Variants in PLA2R1 observed in about 807,000 individuals in gnomAD.
PLA2R1 encodes the protein phospholipase A2 receptor 1, also known as secretory phospholipase A2 receptor.
Under a neutral mutation model 195.9 loss-of-function variants are expected in PLA2R1, and 158 were observed. The ratio of observed to expected loss-of-function variants is 0.81; its 90% CI spans 0.71 to 0.92. The LOEUF is 0.92. Ranked by LOEUF, PLA2R1 falls within the 40% of genes least tolerant of loss-of-function variation. The pLI, the probability that PLA2R1 is intolerant of heterozygous loss-of-function variation, is 0.00. For synonymous variants in PLA2R1, 586 were observed against 598.2 expected, an observed-to-expected ratio of 0.98 and a Z score of 0.30; for missense variants, 1,626 against 1,764.6, an observed-to-expected ratio of 0.92 and a Z score of 1.41.
chr2:159,958,933 A>G (rs1171186380), intron 20 of PLA2R1, among the ~76,000 whole-genome samples: 2 of 152,200 alleles, frequency 1.3e-5, no homozygotes, highest in African/African-American at 2.4e-5. Flanking sequence ...GTCACCCTTT[A>G]GTTTAAACCC....
chr2:159,976,011 A>C (rs1689525474), intron 17 of PLA2R1, 57 bp downstream of exon 17: 454 of 1,011,674 alleles, frequency 4.5e-4, no homozygotes, highest in East Asian at 7.5e-4. Flanking sequence ...CCTCCCTCCC[A>C]AGGGCAAAAG....
At chr2:160,025,587 G>GAAA (rs1693455459) in intron 6 of PLA2R1, among the ~76,000 whole-genome samples, 2 of 8,900 alleles carry the variant, frequency 2.2e-4, no homozygotes, top group Admixed American at 1.3e-3. Flanking sequence ...TAACCATAAA[G>GAAA]CAAAAAAAAA....
intron 13 of PLA2R1, among the ~76,000 whole-genome samples, chr2:159,981,281 A>G (rs1689934927): frequency 6.6e-6 from 1 of 151,876 alleles, no homozygotes; most frequent in African/African-American, 2.4e-5. Context: ...GCAGTGCCAT[A>G]GGAAGGAAAA....
At chr2:160,032,905 T>G in intron 4 of PLA2R1, 54 bp downstream of exon 4, 1 of 1,236,034 alleles carries the variant, frequency 8.1e-7, no homozygotes, top group South Asian at 1.3e-5. Context: ...GTGAAAACAG[T>G]TAACAACCAT....
chr2:160,052,706 G>T (rs1002396496), intron 1 of PLA2R1, among the ~76,000 whole-genome samples: 6 of 152,118 alleles, frequency 3.9e-5, no homozygotes, highest in Non-Finnish European at 7.4e-5. Flanking sequence ...ACAAATGCCT[G>T]CATATTAAAG....
chr2:159,946,926 G>GAGA lies in PLA2R1; in HGVS notation c.3851-12_3851-10dup, dbSNP rs757977937. 2.0e-5 allele frequency: 30 copies of GAGA among 1,516,912 alleles called. No individual in the cohort carries two copies. In the African/African-American group the frequency reaches 2.4e-4, roughly 12 times the overall value. 94.0% of individuals were successfully genotyped at this position (1,516,912 alleles called of 1,614,324 possible). A position where few individuals can be genotyped will look rare whatever the true frequency, so the allele number is the denominator to read the frequency against. ...TGTTAAAAGATTAGAACCTATAAGA[G>GAGA]AGACAAGTAGCAAAGGAATATTTGT... On this transcript the variant is annotated splice_polypyrimidine_tract_variant and intron_variant, in intron 26 of 29. Coordinates refer to ENST00000283243, the MANE Select transcript of PLA2R1 (RefSeq NM_007366.5).
chr2:159,980,164 T>A (rs1365272337), intron 13 of PLA2R1, among the ~76,000 whole-genome samples: 1 of 152,198 alleles, frequency 6.6e-6, no homozygotes, highest in Admixed American at 6.5e-5. Context: ...ATTTTAAATG[T>A]GCAAAACCCT....
chr2:160,035,148 G>T (rs1694094928), intron 3 of PLA2R1, among the ~76,000 whole-genome samples: 1 of 152,168 alleles, frequency 6.6e-6, no homozygotes, highest in Non-Finnish European at 1.5e-5. Context: ...TTGGGCCCAA[G>T]AATTTTGGAT....
intron 6 of PLA2R1, among the ~76,000 whole-genome samples, chr2:160,027,335 AT>A (rs1246539137): frequency 1.6e-4 from 25 of 152,142 alleles, no homozygotes; most frequent in African/African-American, 6.0e-4. Context: ...GGAGAAAGGA[AT>A]ATGAAAGAAG....
downstream of PLA2R1, among the ~76,000 whole-genome samples, chr2:159,927,068 T>C (rs1340370633): frequency 1.3e-5 from 2 of 152,142 alleles, no homozygotes; most frequent in African/African-American, 4.8e-5. Flanking sequence ...GGACATCATC[T>C]GAGGCACAGA....
At chr2:160,003,776 A>C (rs2105386499) in intron 11 of PLA2R1, among the ~76,000 whole-genome samples, 1 of 152,302 alleles carries the variant, frequency 6.6e-6, no homozygotes, top group East Asian at 1.9e-4. Flanking sequence ...ATCAACATAG[A>C]GATATTTGTT....
In PLA2R1 at chr2:160,044,980, G is replaced by T. The variant is rs1049866869; in HGVS notation, c.287C>A (p.Ala96Asp). ...ATATAAGCTTAATGGCTGCTCTGGG[G>T]CGGAGAAATTCAGGCCCAGGCAACC... ...GSGCLGLNFS[A>D]PEQPLSLYEC... The change falls in exon 2 of 30, where the codon GCC (alanine) becomes GAC (aspartate). Residue 96 changes from alanine (A) to aspartate (D), a missense_variant. Coordinates refer to ENST00000283243, the MANE Select transcript of PLA2R1 (RefSeq NM_007366.5). 6.2e-7 allele frequency: 1 copy of T among 1,613,770 alleles called. No individual in the cohort carries two copies. Among genetic ancestry groups the T allele is most frequent in the African/African-American group, 1.3e-5 (1 of 74,924 alleles).
rs1689586397 is a variant in PLA2R1 at position 159,976,739 on chromosome 2, T to A, written c.2402-19A>T. 1.0e-5 allele frequency: 16 copies of A among 1,594,102 alleles called. No individual in the cohort carries two copies. The highest frequency in any genetic ancestry group is 1.3e-5 in the African/African-American group (1 of 74,308). ...TTCACATCTGCAAAGTGAAAGCAAATCACTTTGACTGATCTTGCTTCTCAA... is the reference window on the plus strand; with the variant it reads ...TTCACATCTGCAAAGTGAAAGCAAAACACTTTGACTGATCTTGCTTCTCAA... On this transcript the variant is annotated intron_variant, in intron 15 of 29. Transcript: ENST00000283243.
chr2:159,945,072 T>G lies in PLA2R1; in HGVS notation c.3978A>C (p.Ile1326=), dbSNP rs1244932076. The change falls in exon 28 of 30, where the codon ATA becomes ATC. Residue 1326 remains isoleucine, a synonymous_variant. Coordinates refer to ENST00000283243, the MANE Select transcript of PLA2R1 (RefSeq NM_007366.5). ...NAQFDGNNET[I]KWFDGTPTDQ... is the part of the protein sequence containing the mutation. Reference sequence around the variant, plus strand: ...CTGTGGGAGTTCCATCAAACCACTTTATGGTTTCATCTGTGAGAAAATTGC... The same window carrying G: ...CTGTGGGAGTTCCATCAAACCACTTGATGGTTTCATCTGTGAGAAAATTGC... The G allele has an allele frequency of 6.2e-7, 1 of 1,608,798 alleles. No individual in the cohort carries two copies. The highest frequency in any genetic ancestry group is 8.5e-7 in the Non-Finnish European group (1 of 1,176,762).
Position 160,042,292 on chromosome 2 carries a change from A to T in PLA2R1, c.494-94T>A, listed in dbSNP as rs909080478. ...TCGAAAGCATTTTTTATGGACTGAA[A>T]CCCTCTTGGGGCAGATACTCACTAC... On this transcript the variant is annotated intron_variant, in intron 2 of 29. Transcript: ENST00000283243. The T allele has an allele frequency of 4.8e-6, 5 of 1,033,224 alleles. No homozygotes were observed. The Admixed American group carries it at 5.9e-5, about 12-fold the overall frequency. The allele number at this position is 1,033,224 out of a possible 1,614,324, so 64.0% of individuals were successfully genotyped here.
intron 1 of PLA2R1, among the ~76,000 whole-genome samples, chr2:160,053,638 G>GC (rs1409816740): frequency 6.6e-6 from 1 of 152,182 alleles, no homozygotes; most frequent in African/African-American, 2.4e-5. Flanking sequence ...GCCTTGCACT[G>GC]CCCCGAAATG....
intron 24 of PLA2R1, 121 bp downstream of exon 24, chr2:159,951,219 T>G: frequency 1.5e-6 from 1 of 659,368 alleles, no homozygotes; most frequent in Non-Finnish European, 2.7e-6. Flanking sequence ...TATTTAAGTG[T>G]TATATTTATT....
At chr2:160,002,669 T>A (rs1310343178) in intron 11 of PLA2R1, among the ~76,000 whole-genome samples, 4 of 152,012 alleles carry the variant, frequency 2.6e-5, no homozygotes, top group Non-Finnish European at 5.9e-5. Flanking sequence ...GAATTTTAAC[T>A]TCATCAAAAT....
chr2:159,969,376 A>C lies in PLA2R1; in HGVS notation c.2661-17T>G, dbSNP rs1214220884. On this transcript the variant is annotated splice_polypyrimidine_tract_variant and intron_variant, in intron 18 of 29. Coordinates refer to ENST00000283243, the MANE Select transcript of PLA2R1 (RefSeq NM_007366.5). ...TCTCTCCAGCTGTGGGAAGATTAAA[A>C]ATGTTAAGGTCTTCTCTCATTCTGC... 1.5e-6 allele frequency: 2 copies of C among 1,377,814 alleles called. No individual in the cohort carries two copies. The highest frequency in any genetic ancestry group is 2.3e-5 in the South Asian group (2 of 85,258). 85.3% of individuals were successfully genotyped at this position (1,377,814 alleles called of 1,614,324 possible). A position where few individuals can be genotyped will look rare whatever the true frequency, so the allele number is the denominator to read the frequency against.
Sources: allele counts gnomAD v4.1 joint callset (sites outside exome capture counted in the v4.1 genomes callset), GRCh38; gene constraint gnomAD v4.1.1; transcripts MANE v1.5; gene names NCBI Gene and HGNC (gene_info 2026-07-23, HGNC 2026-07-21).